NSMCE1: variants seen among roughly 807,000 people sequenced by gnomAD.
The protein encoded by NSMCE1 is NSE1 component of SMC5/6 complex, also known as non-structural maintenance of chromosomes element 1 homolog.
In NSMCE1, 18 loss-of-function variants were observed where a neutral mutation model predicts 29.6. The observed-to-expected ratio is 0.61, with a 90% CI of 0.42 to 0.90. NSMCE1 has a LOEUF of 0.90. Among genes scored for constraint, NSMCE1 ranks in the 40% least tolerant of loss-of-function variants. The probability of loss-of-function intolerance (pLI) is 0.00; values close to 1 mark genes in which losing one functional copy is unlikely to be tolerated. For missense variants in NSMCE1, 314 were observed against 343.6 expected (o/e 0.91, Z 0.68); for synonymous variants, 124 against 133.4 (o/e 0.93, Z 0.49).
At chr16:27,250,294 A>C (rs2084010029) in intron 2 of NSMCE1, among the ~76,000 whole-genome samples, 1 of 152,212 alleles carries the variant, frequency 6.6e-6, no homozygotes, top group African/African-American at 2.4e-5. Flanking sequence ...AAAAGTGGTG[A>C]GAACAGACAT....
intron 1 of NSMCE1, among the ~76,000 whole-genome samples, chr16:27,262,213 C>T (rs1167871511): frequency 6.7e-6 from 1 of 149,052 alleles, no homozygotes; most frequent in Non-Finnish European, 1.5e-5. Context: ...CATTGCACTC[C>T]AGCCTGAGCA....
intron 1 of NSMCE1, among the ~76,000 whole-genome samples, chr16:27,261,759 G>C (rs1026327128): frequency 6.6e-6 from 1 of 152,166 alleles, no homozygotes; most frequent in African/African-American, 2.4e-5. Flanking sequence ...GATGTCAAAA[G>C]AAAGGAAAAT....
chr16:27,232,930 T>C lies in NSMCE1; in HGVS notation c.483+71A>G. The C allele has an allele frequency of 6.5e-7, 1 of 1,536,794 alleles. No individual in the cohort carries two copies. Among genetic ancestry groups the C allele is most frequent in the South Asian group, 1.2e-5 (1 of 84,994 alleles). On this transcript the variant is annotated intron_variant, in intron 5 of 7. Transcript: ENST00000361439. This position sits in a 1 kb window ranked among gnomAD's most constrained non-coding sequence, Gnocchi z 4.5. The stretch of plus-strand genomic sequence containing the variant: ...TCCTCAGACATCAGTTGGCTACAAG[T>C]ACGATTTTGGAGAAAAAACTGTTAT...
chr16:27,251,189 T>TATATATATATATATATATATATATA (rs1459861130), intron 2 of NSMCE1, among the ~76,000 whole-genome samples: 3 of 58,832 alleles, frequency 5.1e-5, no homozygotes, highest in African/African-American at 1.0e-4. Flanking sequence ...TATATATATA[T>TATATATATATATATATATATATATA]AAATATATAT....
At chr16:27,241,716 C>G (rs1035963974) in intron 2 of NSMCE1, 6 of 286,726 alleles carry the variant, frequency 2.1e-5, no homozygotes, top group Non-Finnish European at 3.7e-5. Context: ...AGTGGCTGGT[C>G]TGTGGTAGAT....
intron 5 of NSMCE1, among the ~76,000 whole-genome samples, chr16:27,230,282 C>T (rs570643562): frequency 6.6e-5 from 10 of 152,300 alleles, no homozygotes; most frequent in African/African-American, 2.4e-4. Flanking sequence ...GGTGATATAC[C>T]CACCTGGAAG....
chr16:27,262,414 G>A (rs2084169222), intron 1 of NSMCE1, among the ~76,000 whole-genome samples: 1 of 151,454 alleles, frequency 6.6e-6, no homozygotes. Flanking sequence ...CAATGGAACA[G>A]AATAGAGAGC....
intron 2 of NSMCE1, among the ~76,000 whole-genome samples, chr16:27,235,551 G>A (rs562540633): frequency 3.3e-5 from 5 of 152,290 alleles, no homozygotes; most frequent in South Asian, 4.1e-4. Flanking sequence ...CTGCAACCAC[G>A]GAGGCTGCCG....
At chr16:27,243,630 T>G in intron 2 of NSMCE1, among the ~76,000 whole-genome samples, 1 of 152,174 alleles carries the variant, frequency 6.6e-6, no homozygotes, top group East Asian at 1.9e-4. Context: ...GCAGGATCAG[T>G]AACTGATACT....
intron 4 of NSMCE1, 110 bp from the exon 5 acceptor site, chr16:27,233,257 A>G: frequency 4.9e-6 from 4 of 820,940 alleles, no homozygotes; most frequent in Non-Finnish European, 7.8e-6. Flanking sequence ...GATCACAGGC[A>G]GAACTGTACA....
Position 27,241,909 on chromosome 16 carries a change from G to A in NSMCE1, c.137-6610C>T, listed in dbSNP as rs998610368. ...ACATACCTAAGACGGGACAGGAAGC[G>A]ACAAAGTCTAGACCAGAAATCAGAT... On this transcript the variant is annotated intron_variant, in intron 2 of 7. Transcript: ENST00000361439. The A allele has an allele frequency of 6.5e-5, 29 of 445,190 alleles. 1 individual carries two copies. Among genetic ancestry groups the A allele is most frequent in the African/African-American group, 4.2e-4 (21 of 49,730 alleles). The allele number at this position is 445,190 out of a possible 1,614,324, so 27.6% of individuals were successfully genotyped here.
chr16:27,252,135 G>A (rs184620869), intron 2 of NSMCE1, among the ~76,000 whole-genome samples: 100 of 152,300 alleles, frequency 6.6e-4, no homozygotes, highest in Non-Finnish European at 1.2e-3. Flanking sequence ...AAAACTCTTA[G>A]AATTCCCTGA....
At chr16:27,252,603 G>C (rs1181804646) in intron 2 of NSMCE1, among the ~76,000 whole-genome samples, 3 of 152,048 alleles carry the variant, frequency 2.0e-5, no homozygotes, top group Non-Finnish European at 2.9e-5. Context: ...GGCCACAGAA[G>C]AAGACCCCCG....
chr16:27,249,421 G>A (rs1596688071), intron 2 of NSMCE1, among the ~76,000 whole-genome samples: 1 of 152,242 alleles, frequency 6.6e-6, no homozygotes, highest in Non-Finnish European at 1.5e-5. Flanking sequence ...TTTACATTTA[G>A]GTCTATGACT....
At chr16:27,257,246 A>C (rs1314034285) in intron 2 of NSMCE1, 189 bp downstream of exon 2, 3 of 470,740 alleles carry the variant, frequency 6.4e-6, no homozygotes. Context: ...GCTAAATGTC[A>C]GGTTTACTTG....
At chr16:27,267,877 G>A (rs939609079) in intron 1 of NSMCE1, among the ~76,000 whole-genome samples, 1 of 151,942 alleles carries the variant, frequency 6.6e-6, no homozygotes, top group African/African-American at 2.4e-5. Context: ...GAGTAGCTGG[G>A]ATTACAGGCA....
chr16:27,241,418 G>A (rs1296290118), intron 2 of NSMCE1: 1 of 157,480 alleles, frequency 6.4e-6, no homozygotes, highest in Non-Finnish European at 1.4e-5. Flanking sequence ...CTGAGGACAG[G>A]GCAGGGCAGG....
At chr16:27,248,882 G>A (rs1394409629) in intron 2 of NSMCE1, among the ~76,000 whole-genome samples, 1 of 151,932 alleles carries the variant, frequency 6.6e-6, no homozygotes, top group Admixed American at 6.6e-5. Flanking sequence ...AAGCTGAAGT[G>A]CAGTGGCACA....
chr16:27,241,282 T>C (rs1161317563), intron 2 of NSMCE1: 1 of 152,192 alleles, frequency 6.6e-6, no homozygotes, highest in Non-Finnish European at 1.5e-5. Context: ...CATAAAATGT[T>C]ATTTTTAGGC....
Sources: allele counts gnomAD v4.1 joint callset (sites outside exome capture counted in the v4.1 genomes callset), GRCh38; gene constraint gnomAD v4.1.1; non-coding constraint Gnocchi (gnomAD v3.1); transcripts MANE v1.5; gene names NCBI Gene and HGNC (gene_info 2026-07-23, HGNC 2026-07-21).